Variants in ITGA9 observed in about 807,000 individuals in gnomAD.
The protein encoded by ITGA9 is integrin alpha-9.
In ITGA9, 56 loss-of-function variants were observed where a neutral mutation model predicts 127.8. The ratio of observed to expected loss-of-function variants is 0.44; its 90% CI spans 0.35 to 0.55. The LOEUF is 0.55. ITGA9 is among the 20% of genes least tolerant of loss of function. The pLI is 0.00. For synonymous variants in ITGA9, 508 were observed against 514.5 expected (o/e 0.99, Z 0.17); for missense variants, 1,196 against 1,347.1 (o/e 0.89, Z 1.76).
chr3:37,572,500 T>A (rs1440090992), intron 15 of ITGA9, among the ~76,000 whole-genome samples: 3 of 152,184 alleles, frequency 2.0e-5, no homozygotes, highest in Non-Finnish European at 2.9e-5. Flanking sequence ...TTTCCTCACC[T>A]CTAAAGTTGG....
chr3:37,570,369 C>T (rs2844363), intron 15 of ITGA9, among the ~76,000 whole-genome samples: 83,581 of 152,050 alleles, frequency 0.55, 23,310 homozygotes, highest in Non-Finnish European at 0.57. Flanking sequence ...CCGTCGTTAA[C>T]TGCAAAGAGG....
chr3:37,502,291 T>C (rs1218203754), intron 5 of ITGA9, among the ~76,000 whole-genome samples: 1 of 147,074 alleles, frequency 6.8e-6, no homozygotes, highest in Non-Finnish European at 1.5e-5. Flanking sequence ...CTTGGCTCAC[T>C]GAGACCTCTG....
chr3:37,604,966 T>C (rs1699954839), intron 15 of ITGA9, among the ~76,000 whole-genome samples: 1 of 152,068 alleles, frequency 6.6e-6, no homozygotes, highest in Non-Finnish European at 1.5e-5. Flanking sequence ...TATTCAGAGG[T>C]CAATGAAATA....
At chr3:37,594,653 G>T (rs1483077084) in intron 15 of ITGA9, among the ~76,000 whole-genome samples, 1 of 152,166 alleles carries the variant, frequency 6.6e-6, no homozygotes, top group East Asian at 1.9e-4. Context: ...TTTCCCGTCT[G>T]TAAATGGTGA....
At chr3:37,555,885 G>A (rs1336640675) in intron 15 of ITGA9, among the ~76,000 whole-genome samples, 1 of 152,218 alleles carries the variant, frequency 6.6e-6, no homozygotes, top group African/African-American at 2.4e-5. Context: ...TCACCATCTT[G>A]GATGTGATGT....
chr3:37,475,562 A>G (rs898325639), intron 3 of ITGA9, among the ~76,000 whole-genome samples: 7 of 152,260 alleles, frequency 4.6e-5, no homozygotes, highest in Middle Eastern at 3.2e-3. Flanking sequence ...TAATGGTGCC[A>G]TGGATAGTCC....
intron 10 of ITGA9, among the ~76,000 whole-genome samples, chr3:37,518,970 A>G (rs1243068332): frequency 6.6e-6 from 1 of 150,816 alleles, no homozygotes; most frequent in Non-Finnish European, 1.5e-5. Context: ...TTTTTAGTAG[A>G]GCTGGGGTTT....
At chr3:37,653,996 T>C (rs1483415870) in intron 17 of ITGA9, among the ~76,000 whole-genome samples, 1 of 152,196 alleles carries the variant, frequency 6.6e-6, no homozygotes, top group Non-Finnish European at 1.5e-5. Context: ...TTTTTTTGTG[T>C]GTTGATTGCA....
At chr3:37,763,047 T>A (rs1326714231) in intron 23 of ITGA9, among the ~76,000 whole-genome samples, 1 of 152,254 alleles carries the variant, frequency 6.6e-6, no homozygotes, top group Non-Finnish European at 1.5e-5. Flanking sequence ...ATACACATGT[T>A]CATTCTTTCA....
intron 13 of ITGA9, among the ~76,000 whole-genome samples, chr3:37,529,042 G>C (rs1296217141): frequency 1.3e-5 from 2 of 152,104 alleles, no homozygotes; most frequent in Non-Finnish European, 2.9e-5. Flanking sequence ...CTTTTAATCA[G>C]TGTGATGCAT....
chr3:37,712,571 C>T (rs1010974636), intron 18 of ITGA9, among the ~76,000 whole-genome samples: 1 of 152,140 alleles, frequency 6.6e-6, no homozygotes, highest in African/African-American at 2.4e-5. Flanking sequence ...GGGTTGGCTT[C>T]GACCACAGCT....
chr3:37,492,268 C>T (rs1698681118), intron 4 of ITGA9, among the ~76,000 whole-genome samples: 1 of 152,204 alleles, frequency 6.6e-6, no homozygotes, highest in African/African-American at 2.4e-5. Flanking sequence ...GCAGCTTAGA[C>T]TTTGGGTTTC....
At chr3:37,554,118 A>G (rs1328210966) in intron 15 of ITGA9, among the ~76,000 whole-genome samples, 3 of 152,124 alleles carry the variant, frequency 2.0e-5, no homozygotes, top group Admixed American at 2.0e-4. Context: ...GAGACAGACA[A>G]TAGATATAAT....
intron 12 of ITGA9, among the ~76,000 whole-genome samples, chr3:37,525,614 C>A (rs1192119512): frequency 6.6e-6 from 1 of 152,082 alleles, no homozygotes; most frequent in Non-Finnish European, 1.5e-5. Context: ...CTAAAATATT[C>A]CTGTAATTAC....
At chr3:37,565,948 T>C (rs771808877) in intron 15 of ITGA9, among the ~76,000 whole-genome samples, 11 of 152,200 alleles carry the variant, frequency 7.2e-5, no homozygotes, top group Non-Finnish European at 1.5e-4. Flanking sequence ...ATAGTTCTTA[T>C]AGATGATAAA....
At chr3:37,717,787 C>G (rs1450104486) in intron 18 of ITGA9, among the ~76,000 whole-genome samples, 2 of 152,174 alleles carry the variant, frequency 1.3e-5, no homozygotes, top group African/African-American at 4.8e-5. Flanking sequence ...AATTTTCCCA[C>G]TAAAGTAAGC....
intron 23 of ITGA9, among the ~76,000 whole-genome samples, chr3:37,775,291 A>G (rs2125549172): frequency 6.6e-6 from 1 of 152,324 alleles, no homozygotes; most frequent in Non-Finnish European, 1.5e-5. Flanking sequence ...CATTACAGAA[A>G]TGCAAATCAA....
At chr3:37,787,557 C>T (rs1029704343) in intron 26 of ITGA9, among the ~76,000 whole-genome samples, 9 of 152,166 alleles carry the variant, frequency 5.9e-5, no homozygotes, top group African/African-American at 2.4e-5. Context: ...TCCCTCCTTT[C>T]CATGACTTTG....
At chr3:37,645,680 T>C (rs1222245227) in intron 16 of ITGA9, among the ~76,000 whole-genome samples, 2 of 152,166 alleles carry the variant, frequency 1.3e-5, no homozygotes. Flanking sequence ...TGGGATTTGG[T>C]TGTCATATCA....
Sources: allele counts gnomAD v4.1 joint callset (sites outside exome capture counted in the v4.1 genomes callset), GRCh38; gene constraint gnomAD v4.1.1; transcripts MANE v1.5; gene names NCBI Gene and HGNC (gene_info 2026-07-23, HGNC 2026-07-21).